The following SEC23IP variants were observed in gnomAD, a reference collection of about 807,000 sequenced individuals.
SEC23IP encodes the protein SEC23 interacting protein.
Under a neutral mutation model 113.4 loss-of-function variants are expected in SEC23IP, and 70 were observed. The ratio of observed to expected loss-of-function variants is 0.62; its 90% CI spans 0.51 to 0.75. The LOEUF (loss-of-function observed/expected upper bound fraction) is 0.75, where lower values mean the gene tolerates loss of function less well. Among genes scored for constraint, SEC23IP ranks in the 30% least tolerant of loss-of-function variants. SEC23IP has a pLI of 0.00. For missense variants in SEC23IP, 1,160 were observed against 1,204.9 expected, an observed-to-expected ratio of 0.96 and a Z score of 0.55; for synonymous variants, 398 against 421.0, an observed-to-expected ratio of 0.95 and a Z score of 0.67.
At position 119,904,166 on chromosome 10, in the gene SEC23IP, T is replaced by C. The variant is rs1319830606; in HGVS notation, c.990T>C (p.Ala330=). ...ACCTCTATGACCGAATAAGGAAGGCTGCCTACTGGGAAGAGGAGCCAGCCG... is the reference window on the plus strand; with the variant it reads ...ACCTCTATGACCGAATAAGGAAGGCCGCCTACTGGGAAGAGGAGCCAGCCG... The part of the protein sequence containing the change: ...DVYLYDRIRK[A]AYWEEEPAEV... Residue 330 remains alanine, a synonymous_variant, in exon 4 of 19, where the codon GCT becomes GCC. Transcript: ENST00000369075. 2 of 1,614,230 alleles carry C rather than the reference T, an allele frequency of 1.2e-6. No homozygotes were observed. The highest frequency in any genetic ancestry group is 1.1e-5 in the South Asian group (1 of 91,082).
intron 17 of SEC23IP, 43 bp from the exon 18 acceptor site, chr10:119,933,643 C>T: frequency 9.0e-7 from 1 of 1,112,560 alleles, no homozygotes; most frequent in Non-Finnish European, 1.4e-6. Context: ...AAGTTAATTT[C>T]TTCTAATTGT....
intron 6 of SEC23IP, 89 bp downstream of exon 6, chr10:119,912,253 T>C (rs1854888891): frequency 2.2e-6 from 3 of 1,367,904 alleles, no homozygotes; most frequent in African/African-American, 2.9e-5. Context: ...TAAACAGTTA[T>C]TAGAATGCCC....
At chr10:119,934,918 C>G (rs1271950734) in intron 18 of SEC23IP, among the ~76,000 whole-genome samples, 1 of 152,180 alleles carries the variant, frequency 6.6e-6, no homozygotes, top group African/African-American at 2.4e-5. Flanking sequence ...GGGCAGATCA[C>G]CTGAGGTTAG....
chr10:119,913,332 T>A (rs1370615921), intron 6 of SEC23IP, among the ~76,000 whole-genome samples: 1 of 152,210 alleles, frequency 6.6e-6, no homozygotes, highest in Non-Finnish European at 1.5e-5. Flanking sequence ...TGGTTTGTAT[T>A]CCTCTGGTGC....
intron 12 of SEC23IP, among the ~76,000 whole-genome samples, chr10:119,925,335 T>C (rs1855385232): frequency 6.6e-6 from 1 of 152,206 alleles, no homozygotes; most frequent in Admixed American, 6.5e-5. Flanking sequence ...ATGAACAGTA[T>C]GTATTCTTTT....
At chr10:119,899,035 C>T in intron 2 of SEC23IP, 76 bp downstream of exon 2, 2 of 1,212,834 alleles carry the variant, frequency 1.6e-6, no homozygotes, top group South Asian at 1.5e-5. Flanking sequence ...TTTTAAAAAA[C>T]ATTTCACATC....
Position 119,931,798 on chromosome 10 carries a change from C to T in SEC23IP, c.2573-335C>T, listed in dbSNP as rs567018776. ...CGATCTCCTGACCTCGTGATCCACC[C>T]ACGTCGGCCTCCCAAAGTGCTGGGA... On this transcript the variant is annotated intron_variant, in intron 15 of 18. Coordinates refer to ENST00000369075, the MANE Select transcript of SEC23IP (RefSeq NM_007190.4). 2.0e-5 allele frequency among the ~76,000 whole-genome samples: 3 copies of T among 152,112 alleles called. No homozygotes were observed. In the South Asian group the frequency reaches 6.2e-4, roughly 32 times the overall value.
chr10:119,917,830 A>C lies in SEC23IP; in HGVS notation c.1545-6A>C, dbSNP rs760454280. 6.2e-7 allele frequency: 1 copy of C among 1,608,936 alleles called. No homozygotes were observed. Among genetic ancestry groups the C allele is most frequent in the Non-Finnish European group, 8.5e-7 (1 of 1,176,292 alleles). ...CTGAATGTGCTGTATTTTTCTTTTT[A>C]AACAGGAATATTAAGAAAATCACTT... is the stretch of plus-strand genomic sequence containing the variant. On this transcript the variant is annotated splice_region_variant and splice_polypyrimidine_tract_variant and intron_variant, in intron 8 of 18. Transcript: ENST00000369075.
chr10:119,914,645 C>T (rs932654466), intron 6 of SEC23IP, 85 bp from the exon 7 acceptor site: 38 of 1,067,988 alleles, frequency 3.6e-5, no homozygotes, highest in Admixed American at 3.4e-4. Flanking sequence ...TTTGTGATGA[C>T]GAAAGGGATA....
At chr10:119,893,022 T>C (rs962588820) in intron 1 of SEC23IP, 77 bp downstream of exon 1, 7 of 1,487,834 alleles carry the variant, frequency 4.7e-6, no homozygotes, top group Admixed American at 4.1e-5. Context: ...AGACGGGAGT[T>C]TTTCCTTCTG....
intron 1 of SEC23IP, chr10:119,898,183 G>C: frequency 1.9e-6 from 1 of 533,538 alleles, no homozygotes; most frequent in Non-Finnish European, 2.9e-6. Flanking sequence ...GTCTCTGGCA[G>C]GTGGGCTTAT....
chr10:119,901,441 G>A (rs1012284687), intron 2 of SEC23IP, among the ~76,000 whole-genome samples: 1 of 151,880 alleles, frequency 6.6e-6, no homozygotes, highest in South Asian at 2.1e-4. Context: ...GTTTCTGTTA[G>A]ACATTTTGAT....
At chr10:119,929,160 G>A (rs1296839284) in intron 13 of SEC23IP, among the ~76,000 whole-genome samples, 8 of 152,184 alleles carry the variant, frequency 5.3e-5, no homozygotes, top group South Asian at 2.1e-4. Flanking sequence ...CTATTATGCC[G>A]TGCAAAACAA....
At chr10:119,903,838 A>C (rs574432166) in intron 3 of SEC23IP, among the ~76,000 whole-genome samples, 3 of 152,322 alleles carry the variant, frequency 2.0e-5, no homozygotes, top group Admixed American at 2.0e-4. Flanking sequence ...ACTATGCCTC[A>C]GCCTCCCAAG....
At chr10:119,895,239 T>G (rs2134445707) in intron 1 of SEC23IP, among the ~76,000 whole-genome samples, 1 of 151,964 alleles carries the variant, frequency 6.6e-6, no homozygotes, top group East Asian at 1.9e-4. Flanking sequence ...CAAAAGTTAG[T>G]TGGATGTGGT....
intron 13 of SEC23IP, among the ~76,000 whole-genome samples, chr10:119,929,341 C>A (rs1681364121): frequency 6.6e-6 from 1 of 152,130 alleles, no homozygotes; most frequent in Non-Finnish European, 1.5e-5. Context: ...TCAAGCGATT[C>A]TTCTGCCTTA....
At chr10:119,919,786 C>T (rs1855185878) in intron 11 of SEC23IP, among the ~76,000 whole-genome samples, 190 bp downstream of exon 11, 4 of 151,986 alleles carry the variant, frequency 2.6e-5, no homozygotes, top group Admixed American at 1.3e-4. Context: ...GATGCAAAAT[C>T]CAGAAGCCAT....
At position 119,920,892 on chromosome 10, in the gene SEC23IP, AT is replaced by A; in HGVS notation, c.2030del (p.Met677SerfsTer7). 6.2e-7 allele frequency: 1 copy of A among 1,602,912 alleles called. No homozygotes were observed. ...GCTTGTCTGTTTCCTTTTAAAGCTT[AT>A]GTGTACAGTTGATGACCTGAAGGAA... ...KEKIDMESLL[M>X]CTVDDLKEMG... On this transcript the variant is annotated frameshift_variant, in exon 12 of 19. Transcript: ENST00000369075. LOFTEE classifies it high-confidence loss of function.
chr10:119,926,162 C>A lies in SEC23IP; in HGVS notation c.2248C>A (p.Pro750Thr). 2.5e-6 allele frequency: 4 copies of A among 1,614,150 alleles called. No homozygotes were observed. Among genetic ancestry groups the A allele is most frequent in the Non-Finnish European group, 2.5e-6 (3 of 1,180,022 alleles). Reference sequence around the variant, plus strand: ...ATCCAATGAGCCAAAGAGGAAACTTCCAGTTGGTGCTTGCGTGTCTTCTGT... The same window carrying A: ...ATCCAATGAGCCAAAGAGGAAACTTACAGTTGGTGCTTGCGTGTCTTCTGT... ...SESNEPKRKL[P>T]VGACVSSVCV... Residue 750 changes from proline to threonine, a missense_variant, in exon 13 of 19, where the codon CCA becomes ACA. By Grantham distance (38) the Pro-to-Thr change is conservative. Coordinates refer to ENST00000369075, the MANE Select transcript of SEC23IP (RefSeq NM_007190.4).
Sources: allele counts gnomAD v4.1 joint callset (sites outside exome capture counted in the v4.1 genomes callset), GRCh38; gene constraint gnomAD v4.1.1; transcripts MANE v1.5; gene names NCBI Gene and HGNC (gene_info 2026-07-23, HGNC 2026-07-21).